The following IGSF21 variants were observed in gnomAD, a reference collection of about 807,000 sequenced individuals.
IGSF21 encodes immunoglobulin superfamily member 21.
IGSF21 carries 28 observed loss-of-function variants against 46.8 expected under a neutral mutation model. The observed-to-expected ratio is 0.60, with a 90% CI of 0.44 to 0.82. The LOEUF is 0.82. Ranked by LOEUF, IGSF21 falls within the 40% of genes least tolerant of loss-of-function variation. The probability of loss-of-function intolerance (pLI) is 0.00; values close to 1 mark genes in which losing one functional copy is unlikely to be tolerated. For synonymous variants in IGSF21, 284 were observed against 273.6 expected, an observed-to-expected ratio of 1.04 and a Z score of -0.38; for missense variants, 624 against 665.5, an observed-to-expected ratio of 0.94 and a Z score of 0.69.
intron 2 of IGSF21, among the ~76,000 whole-genome samples, chr1:18,291,296 A>G (rs2085263735): frequency 6.6e-6 from 1 of 152,126 alleles, no homozygotes; most frequent in Non-Finnish European, 1.5e-5. Context: ...CCATCCCAAG[A>G]CGAGGGCAAG....
intron 2 of IGSF21, among the ~76,000 whole-genome samples, chr1:18,240,358 G>C (rs1194591843): frequency 6.6e-6 from 1 of 152,216 alleles, no homozygotes; most frequent in Non-Finnish European, 1.5e-5. Flanking sequence ...GTAGTTAAGC[G>C]GGAGGAAACA....
chr1:18,333,194 A>G (rs553553), intron 3 of IGSF21, among the ~76,000 whole-genome samples: 99,226 of 152,074 alleles, frequency 0.65, 33,795 homozygotes, highest in African/African-American at 0.86. Flanking sequence ...AGGTAAGTCC[A>G]TGGGTATGGA....
chr1:18,376,945 A>C lies in IGSF21; in HGVS notation c.1247A>C (p.Gln416Pro). 4 of 1,607,602 alleles carry C rather than the reference A, an allele frequency of 2.5e-6. No homozygotes were observed. The highest frequency in any genetic ancestry group is 3.4e-6 in the Non-Finnish European group (4 of 1,174,708). Residue 416 changes from glutamine to proline, a missense_variant, in exon 8 of 10, where the codon CAG becomes CCG. Transcript: ENST00000251296. ...LNGSMYRCTA[Q>P]NPLGSTDTHT... ...GGCTCCATGTATCGCTGCACCGCCC[A>C]GAACCCACTGGGCTCCACCGACACG...
At chr1:18,284,344 T>G (rs538051194) in intron 2 of IGSF21, among the ~76,000 whole-genome samples, 3 of 152,214 alleles carry the variant, frequency 2.0e-5, no homozygotes, top group African/African-American at 4.8e-5. Flanking sequence ...ACATTGAGCA[T>G]GTACTACGTG....
At chr1:18,328,350 T>A (rs1331945259) in intron 3 of IGSF21, among the ~76,000 whole-genome samples, 1 of 152,192 alleles carries the variant, frequency 6.6e-6, no homozygotes, top group Admixed American at 6.5e-5. Flanking sequence ...AAGAGCTGAG[T>A]ATCTCATGGA....
intron 1 of IGSF21, among the ~76,000 whole-genome samples, chr1:18,171,904 T>C (rs923200677): frequency 2.6e-5 from 4 of 152,196 alleles, no homozygotes; most frequent in Non-Finnish European, 4.4e-5. Flanking sequence ...GGTTCAACCA[T>C]GGGCAGCTGA....
chr1:18,337,670 AG>A lies in IGSF21; in HGVS notation c.424+2662del, dbSNP rs2085785082. On this transcript the variant is annotated intron_variant, in intron 4 of 9. Coordinates refer to ENST00000251296, the MANE Select transcript of IGSF21 (RefSeq NM_032880.5). The surrounding 1 kb of genome is among the most constrained non-coding windows in gnomAD (Gnocchi z 5.7). ...CACCTTCTCTGGGCTTCTTCCCCAAAGGTCTGCGTGTCCTGGCACCATGCAC... is the reference window on the plus strand; with the variant it reads ...CACCTTCTCTGGGCTTCTTCCCCAAAGTCTGCGTGTCCTGGCACCATGCAC... Among the ~76,000 whole-genome samples the A allele has an allele frequency of 6.6e-6, 1 of 152,126 alleles. No individual in the cohort carries two copies. Among genetic ancestry groups the A allele is most frequent in the South Asian group, 2.1e-4 (1 of 4,820 alleles).
chr1:18,284,674 A>G (rs1330191032), intron 2 of IGSF21, among the ~76,000 whole-genome samples: 1 of 152,216 alleles, frequency 6.6e-6, no homozygotes. Context: ...AAGCACCCAC[A>G]GTAAAACTGA....
chr1:18,162,823 T>C (rs1163355270), intron 1 of IGSF21, among the ~76,000 whole-genome samples: 1 of 152,178 alleles, frequency 6.6e-6, no homozygotes, highest in Admixed American at 6.5e-5. Flanking sequence ...TATGAGACCG[T>C]ATTCACCCTC....
intron 1 of IGSF21, among the ~76,000 whole-genome samples, chr1:18,144,447 G>T (rs2086447933): frequency 6.6e-6 from 1 of 152,180 alleles, no homozygotes; most frequent in South Asian, 2.1e-4. Context: ...TGAAGCAGCT[G>T]TTGGGCTCTG....
chr1:18,331,522 T>C (rs1398603191), intron 3 of IGSF21, among the ~76,000 whole-genome samples: 2 of 152,240 alleles, frequency 1.3e-5, no homozygotes, highest in Non-Finnish European at 1.5e-5. Flanking sequence ...AATGGGCATT[T>C]GAGCTGGTTC....
intron 3 of IGSF21, among the ~76,000 whole-genome samples, chr1:18,299,250 G>A (rs1034987007): frequency 1.2e-4 from 18 of 152,174 alleles, no homozygotes; most frequent in African/African-American, 2.4e-4. Context: ...GCTTCTAAGC[G>A]GAAGCTCTCT....
At chr1:18,292,663 G>A (rs1441943566) in intron 3 of IGSF21, among the ~76,000 whole-genome samples, 3 of 152,018 alleles carry the variant, frequency 2.0e-5, no homozygotes, top group African/African-American at 7.2e-5. Context: ...TTATCCCTTT[G>A]ACCCTTAACA....
At chr1:18,264,229 C>T (rs1189798057) in intron 2 of IGSF21, among the ~76,000 whole-genome samples, 1 of 152,108 alleles carries the variant, frequency 6.6e-6, no homozygotes, top group African/African-American at 2.4e-5. Context: ...TTTCTTATTT[C>T]ACAAGAATCC....
chr1:18,293,878 G>A (rs1027835605), intron 3 of IGSF21, among the ~76,000 whole-genome samples: 2 of 152,088 alleles, frequency 1.3e-5, no homozygotes, highest in Non-Finnish European at 1.5e-5. Flanking sequence ...AGAAACCCAG[G>A]GACCATCTAG....
intron 1 of IGSF21, among the ~76,000 whole-genome samples, chr1:18,184,435 C>A (rs530700027): frequency 6.6e-6 from 1 of 152,184 alleles, no homozygotes; most frequent in Non-Finnish European, 1.5e-5. Flanking sequence ...ACACAGATTT[C>A]GTTCCTTTAA....
intron 2 of IGSF21, among the ~76,000 whole-genome samples, chr1:18,273,468 CTTTCTTTCTTTCTTTCTT>C (rs2085068752): frequency 1.8e-4 from 4 of 22,672 alleles, no homozygotes; most frequent in East Asian, 0.026. Flanking sequence ...CTCTCTCTTT[CTTTCTTTCTTTCTTTCTT>C]TCTTTCTTTC....
intron 1 of IGSF21, among the ~76,000 whole-genome samples, chr1:18,145,844 A>G (rs976372200): frequency 6.6e-6 from 1 of 152,170 alleles, no homozygotes; most frequent in African/African-American, 2.4e-5. Flanking sequence ...CTGCCAGGGG[A>G]TGGAGCCCAG....
In IGSF21 at chr1:18,305,181, G is replaced by GGGATGGATGGATGGAT. The variant is rs77556898; in HGVS notation, c.305+13204_305+13219dup. Among the ~76,000 whole-genome samples, 34 of 150,184 alleles carry GGGATGGATGGATGGAT rather than the reference G, an allele frequency of 2.3e-4. No homozygotes were observed. In the South Asian group the frequency reaches 6.3e-3, roughly 28 times the overall value. ...AAGCACTCAATAAGAGATAGGGAAG[G>GGGATGGATGGATGGAT]GGATGGATGGATGGATGGATGGATG... On this transcript the variant is annotated intron_variant, in intron 3 of 9. Transcript: ENST00000251296.
Sources: allele counts gnomAD v4.1 joint callset (sites outside exome capture counted in the v4.1 genomes callset), GRCh38; gene constraint gnomAD v4.1.1; non-coding constraint Gnocchi (gnomAD v3.1); transcripts MANE v1.5; gene names NCBI Gene and HGNC (gene_info 2026-07-23, HGNC 2026-07-21).